CLASP2: variants seen among roughly 807,000 people sequenced by gnomAD.
CLASP2 encodes the protein cytoplasmic linker associated protein 2.
CLASP2 carries 47 observed loss-of-function variants against 194.4 expected under a neutral mutation model. That is an observed-to-expected ratio of 0.24 (90% CI 0.19 to 0.31). The LOEUF (loss-of-function observed/expected upper bound fraction) is 0.31. Ranked by LOEUF, CLASP2 falls within the 10% of genes least tolerant of loss-of-function variation. The pLI, the probability that CLASP2 is intolerant of heterozygous loss-of-function variation, is 1.00. For missense variants in CLASP2, 1,445 were observed against 1,823.6 expected (o/e 0.79, Z 3.78); for synonymous variants, 619 against 633.5 (o/e 0.98, Z 0.34).
intron 12 of CLASP2, among the ~76,000 whole-genome samples, chr3:33,613,140 A>C (rs1159527736): frequency 1.3e-5 from 2 of 152,196 alleles, no homozygotes; most frequent in Non-Finnish European, 2.9e-5. Context: ...GTACCCCCAA[A>C]ATATGTACAT....
intron 29 of CLASP2, among the ~76,000 whole-genome samples, chr3:33,553,578 A>G (rs1380051720): frequency 6.6e-6 from 1 of 152,218 alleles, no homozygotes. Context: ...AGACATACAA[A>G]TGGCCAACAG....
intron 14 of CLASP2, among the ~76,000 whole-genome samples, chr3:33,608,104 C>T (rs1328439637): frequency 6.6e-6 from 1 of 152,208 alleles, no homozygotes; most frequent in East Asian, 1.9e-4. Flanking sequence ...TCCGTCATCT[C>T]AGAGTTACAC....
intron 7 of CLASP2, among the ~76,000 whole-genome samples, chr3:33,660,164 T>C (rs1014565163): frequency 6.6e-6 from 1 of 152,196 alleles, no homozygotes; most frequent in Non-Finnish European, 1.5e-5. Context: ...CCAACACTGT[T>C]AGTGTTTACA....
chr3:33,542,847 C>T (rs1438293533), intron 32 of CLASP2, among the ~76,000 whole-genome samples: 1 of 152,046 alleles, frequency 6.6e-6, no homozygotes, highest in Non-Finnish European at 1.5e-5. Context: ...TGGATTTATA[C>T]AGCATCTCTG....
At chr3:33,662,168 C>G (rs1297874341) in intron 7 of CLASP2, among the ~76,000 whole-genome samples, 1 of 152,086 alleles carries the variant, frequency 6.6e-6, no homozygotes, top group Admixed American at 6.5e-5. Flanking sequence ...TTGAAGGTAA[C>G]AGAAATAATG....
At chr3:33,520,068 C>T (rs2052544457) in intron 34 of CLASP2, among the ~76,000 whole-genome samples, 1 of 152,158 alleles carries the variant, frequency 6.6e-6, no homozygotes, top group African/African-American at 2.4e-5. Context: ...GGCTGGAGTG[C>T]ACTGGCGTGA....
chr3:33,605,413 T>G (rs900507899), intron 16 of CLASP2, among the ~76,000 whole-genome samples: 3 of 152,202 alleles, frequency 2.0e-5, no homozygotes, highest in African/African-American at 7.2e-5. Context: ...ACAACAATTA[T>G]TTTTGAAATC....
chr3:33,603,423 T>C (rs956547344), intron 17 of CLASP2, among the ~76,000 whole-genome samples: 8 of 152,132 alleles, frequency 5.3e-5, no homozygotes, highest in Admixed American at 5.2e-4. Context: ...AGAGATGATG[T>C]TTAGGACTGA....
intron 10 of CLASP2, among the ~76,000 whole-genome samples, 197 bp downstream of exon 10, chr3:33,626,791 C>T (rs2078134521): frequency 2.1e-5 from 3 of 144,334 alleles, no homozygotes; most frequent in African/African-American, 5.9e-5. Flanking sequence ...ACCACCTGAT[C>T]AGCCAAACCA....
At chr3:33,553,191 A>C (rs1451939719) in intron 29 of CLASP2, among the ~76,000 whole-genome samples, 1 of 152,198 alleles carries the variant, frequency 6.6e-6, no homozygotes, top group African/African-American at 2.4e-5. Context: ...AATTCACAGG[A>C]AGTAAAATAT....
intron 34 of CLASP2, among the ~76,000 whole-genome samples, chr3:33,520,656 G>C (rs1314839684): frequency 6.6e-6 from 1 of 152,198 alleles, no homozygotes; most frequent in East Asian, 1.9e-4. Flanking sequence ...GTAGCATACA[G>C]AGGACTGATC....
intron 34 of CLASP2, among the ~76,000 whole-genome samples, chr3:33,534,156 G>C (rs1294167858): frequency 6.6e-6 from 1 of 152,178 alleles, no homozygotes; most frequent in Admixed American, 6.5e-5. Context: ...AGTGTTGAGA[G>C]AAAGACTTTC....
chr3:33,525,033 G>T (rs567115052), intron 34 of CLASP2, among the ~76,000 whole-genome samples: 1 of 152,124 alleles, frequency 6.6e-6, no homozygotes, highest in Non-Finnish European at 1.5e-5. Flanking sequence ...GGGACACAAA[G>T]TAAGTTTCAA....
rs1326068908 is a variant in CLASP2 at position 33,689,932 on chromosome 3, A to T, written c.275T>A (p.Val92Asp). The T allele has an allele frequency of 6.4e-7, 1 of 1,570,492 alleles. No homozygotes were observed. The highest frequency in any genetic ancestry group is 2.3e-5 in the East Asian group (1 of 43,760). The stretch of plus-strand genomic sequence containing the variant: ...CATTCTGTCTATTAAAGCTACAATA[A>T]CTAAAGAAGGGGAGGGAGTAAAAGA... ...STRFKSYVAM[V>D]IVALIDRMGD... The change falls in exon 3 of 39, where the codon GTT becomes GAT. Residue 92 changes from valine (V) to aspartate (D), a missense_variant and splice_region_variant. Transcript: ENST00000682230.
chr3:33,641,462 T>C (rs548412768), intron 8 of CLASP2, among the ~76,000 whole-genome samples: 1 of 152,104 alleles, frequency 6.6e-6, no homozygotes, highest in East Asian at 1.9e-4. Context: ...ATGATACATA[T>C]ACTGTATGAA....
chr3:33,544,932 A>G, intron 30 of CLASP2, 91 bp from the exon 31 acceptor site: 1 of 848,360 alleles, frequency 1.2e-6, no homozygotes, highest in South Asian at 3.6e-5. Context: ...AATAGCACGA[A>G]GCTTGACCAT....
intron 20 of CLASP2, among the ~76,000 whole-genome samples, chr3:33,594,071 T>C (rs1236762331): frequency 6.6e-6 from 1 of 152,172 alleles, no homozygotes; most frequent in Non-Finnish European, 1.5e-5. Flanking sequence ...CTCAAACTTC[T>C]GGATTCAACC....
intron 10 of CLASP2, among the ~76,000 whole-genome samples, chr3:33,623,787 T>C (rs996133175): frequency 1.3e-4 from 20 of 152,338 alleles, no homozygotes; most frequent in South Asian, 1.0e-3. Context: ...TTTGGATATA[T>C]ACCCAGCAGT....
chr3:33,680,478 C>A (rs1027158069), intron 6 of CLASP2, among the ~76,000 whole-genome samples: 2 of 152,180 alleles, frequency 1.3e-5, no homozygotes, highest in Non-Finnish European at 2.9e-5. Context: ...ATCTCTGTAC[C>A]TTCACTTAAT....
Sources: gnomAD v4.1 joint callset for allele counts (sites outside exome capture counted in the v4.1 genomes callset) on GRCh38, gnomAD v4.1.1 for gene constraint, MANE v1.5 for transcripts, NCBI Gene and HGNC (gene_info 2026-07-23, HGNC 2026-07-21) for gene names.